APOO: variants seen among roughly 807,000 people sequenced by gnomAD.
APOO encodes apolipoprotein O.
Under a neutral mutation model 23.1 loss-of-function variants are expected in APOO, and 11 were observed. The ratio of observed to expected loss-of-function variants is 0.48; its 90% CI spans 0.30 to 0.79. The LOEUF is 0.79. Among genes scored for constraint, APOO ranks in the 30% least tolerant of loss-of-function variants. The pLI is 0.07. For missense variants in APOO, 160 were observed against 142.7 expected, an observed-to-expected ratio of 1.12 and a Z score of -0.62; for synonymous variants, 59 against 54.8, an observed-to-expected ratio of 1.08 and a Z score of -0.34.
intron 7 of APOO, among the ~76,000 whole-genome samples, chrX:23,855,755 C>T (rs1924755473): frequency 8.9e-6 from 1 of 111,844 alleles, no homozygotes; most frequent in African/African-American, 3.3e-5. Context: ...ACAACTTCTT[C>T]CCTCTGTTGC....
chrX:23,842,154 C>T (rs59620472), intron 7 of APOO, among the ~76,000 whole-genome samples: 6,322 of 111,059 alleles, frequency 0.057, 447 homozygotes, highest in African/African-American at 0.19. Context: ...TTCAGGAGGC[C>T]GAGGCGGGTG....
chrX:23,851,555 A>G (rs920576812), intron 7 of APOO, among the ~76,000 whole-genome samples: 21 of 112,458 alleles, frequency 1.9e-4, no homozygotes, highest in Non-Finnish European at 3.0e-4. Context: ...ATAGTGTTGG[A>G]TTTTAAACTA....
Position 23,856,354 on chromosome X carries a change from C to A in APOO, c.509G>T (p.Gly170Val). The change falls in exon 7 of 9, where the codon GGT becomes GTT. Residue 170 changes from glycine (G) to valine (V), a missense_variant. Gly to Val is a moderately radical substitution (Grantham distance 109, BLOSUM62 -3). Coordinates refer to ENST00000379226, the MANE Select transcript of APOO (RefSeq NM_024122.5). ...QVSGERLYDW[G>V]LRGYIVIEDL... ...TTCTATGACTATATATCCTCGTAAA[C>A]CCCAGTCATATAATCTCTCCCCACT... 1 of 1,209,744 alleles carries A rather than the reference C, an allele frequency of 8.3e-7. No individual in the cohort carries two copies. The highest frequency in any genetic ancestry group is 1.1e-6 in the Non-Finnish European group (1 of 894,322).
intron 6 of APOO, among the ~76,000 whole-genome samples, chrX:23,856,607 T>C (rs945328355): frequency 1.9e-5 from 2 of 106,000 alleles, no homozygotes; most frequent in Non-Finnish European, 3.9e-5. Flanking sequence ...CAGGCTGGAG[T>C]GGAATGGCGC....
intron 1 of APOO, among the ~76,000 whole-genome samples, chrX:23,900,905 C>T (rs977018096): frequency 4.5e-5 from 5 of 111,173 alleles, no homozygotes; most frequent in Non-Finnish European, 9.4e-5. Flanking sequence ...TATAATTCCT[C>T]AAGAAGAATT....
intron 1 of APOO, chrX:23,883,951 C>G (rs1428145511): frequency 8.9e-6 from 1 of 112,100 alleles, no homozygotes; most frequent in East Asian, 2.8e-4. Flanking sequence ...TTAGGCAGTT[C>G]TACAGAAAGA....
intron 4 of APOO, among the ~76,000 whole-genome samples, chrX:23,871,335 C>A (rs1460014391): frequency 3.0e-5 from 3 of 100,904 alleles, no homozygotes; most frequent in East Asian, 6.1e-4. Flanking sequence ...TGCACTCCAG[C>A]CTGTGCGACA....
intron 4 of APOO, 107 bp from the exon 5 acceptor site, chrX:23,868,795 C>G (rs1287110619): frequency 2.2e-6 from 1 of 463,556 alleles, no homozygotes; most frequent in Non-Finnish European, 3.4e-6. Flanking sequence ...AAGTGCTTTT[C>G]AAACCACATA....
chrX:23,836,916 TG>T (rs1295982402), intron 8 of APOO: 1 of 1,164,045 alleles, frequency 8.6e-7, no homozygotes, highest in Non-Finnish European at 1.2e-6. Flanking sequence ...CTTGAGATAC[TG>T]AACAAGCAAC....
intron 1 of APOO, among the ~76,000 whole-genome samples, chrX:23,889,407 G>A (rs1926523904): frequency 9.0e-6 from 1 of 110,873 alleles, no homozygotes; most frequent in Non-Finnish European, 1.9e-5. Flanking sequence ...AGCTAAATAA[G>A]TCACCCTCAG....
Position 23,835,524 on chromosome X carries a change from T to C in APOO, c.*30-1912A>G, listed in dbSNP as rs774142701. On this transcript the variant is annotated intron_variant, in intron 8 of 8. Transcript: ENST00000379226. The stretch of plus-strand genomic sequence containing the variant: ...CCAGGAATTTGATAGATTTATTGCA[T>C]TGTTAAAAACTAAAAACTGGAAACA... Among the ~76,000 whole-genome samples, 11 of 112,266 alleles carry C rather than the reference T, an allele frequency of 9.8e-5. No individual in the cohort carries two copies. In the Admixed American group the frequency reaches 1.1e-3, roughly 11 times the overall value.
intron 7 of APOO, among the ~76,000 whole-genome samples, chrX:23,841,618 C>T (rs966059380): frequency 3.7e-5 from 4 of 108,725 alleles, no homozygotes; most frequent in Non-Finnish European, 7.6e-5. Context: ...GATCAACATA[C>T]AATTCTCAGG....
chrX:23,903,708 A>G (rs1292969936), intron 1 of APOO, among the ~76,000 whole-genome samples: 1 of 112,332 alleles, frequency 8.9e-6, no homozygotes, highest in Non-Finnish European at 1.9e-5. Flanking sequence ...ATTTTCAGTT[A>G]TAATTTTTGC....
At chrX:23,838,628 C>A (rs1295735089) in intron 8 of APOO, among the ~76,000 whole-genome samples, 1 of 108,612 alleles carries the variant, frequency 9.2e-6, no homozygotes, top group Non-Finnish European at 1.9e-5. Flanking sequence ...CCATGTTGGC[C>A]AGGGTGGTCT....
At chrX:23,884,499 T>C (rs781502030) in intron 1 of APOO, among the ~76,000 whole-genome samples, 4 of 112,334 alleles carry the variant, frequency 3.6e-5, no homozygotes, top group Non-Finnish European at 7.5e-5. Flanking sequence ...TACAACATGC[T>C]GTTTTGAAAT....
At chrX:23,848,038 A>T (rs1246422863) in intron 7 of APOO, among the ~76,000 whole-genome samples, 1 of 105,219 alleles carries the variant, frequency 9.5e-6, no homozygotes, top group Non-Finnish European at 1.9e-5. Flanking sequence ...CACCACGCCC[A>T]ATTTTTTTGT....
intron 1 of APOO, among the ~76,000 whole-genome samples, chrX:23,887,058 A>G (rs1309282681): frequency 9.1e-6 from 1 of 109,786 alleles, no homozygotes; most frequent in African/African-American, 3.3e-5. Context: ...TAATAAAAAA[A>G]AATCTCTAGC....
intron 1 of APOO, among the ~76,000 whole-genome samples, chrX:23,882,544 T>C (rs1413238538): frequency 1.1e-4 from 12 of 112,310 alleles, no homozygotes; most frequent in African/African-American, 3.9e-4. Context: ...CCTTGTGTGT[T>C]AGGCACAGCC....
intron 1 of APOO, among the ~76,000 whole-genome samples, chrX:23,902,175 G>A (rs767751940): frequency 8.9e-6 from 1 of 111,741 alleles, no homozygotes; most frequent in East Asian, 2.8e-4. Context: ...AAGCTCCCCA[G>A]GTGGCTCTAA....
Sources: gnomAD v4.1 joint callset for allele counts (sites outside exome capture counted in the v4.1 genomes callset) on GRCh38, gnomAD v4.1.1 for gene constraint, MANE v1.5 for transcripts, NCBI Gene and HGNC (gene_info 2026-07-23, HGNC 2026-07-21) for gene names.